The following PREX1 variants were observed in gnomAD, a reference collection of about 807,000 sequenced individuals.
PREX1 encodes phosphatidylinositol 3,4,5-trisphosphate-dependent Rac exchanger 1 protein.
PREX1 carries 41 observed loss-of-function variants against 198.3 expected under a neutral mutation model. The ratio of observed to expected loss-of-function variants is 0.21; its 90% confidence interval spans 0.16 to 0.27. PREX1 has a LOEUF of 0.27. Among genes scored for constraint, PREX1 ranks in the 10% least tolerant of loss-of-function variants. The pLI is 1.00. For missense variants in PREX1, 1,620 were observed against 2,200.7 expected, an observed-to-expected ratio of 0.74 and a Z score of 5.28; for synonymous variants, 843 against 887.2, an observed-to-expected ratio of 0.95 and a Z score of 0.89.
At chr20:48,879,229 T>C in the PREX1 span, among the ~76,000 whole-genome samples, 1 of 152,190 alleles carries the variant, frequency 6.6e-6, no homozygotes, top group Admixed American at 6.6e-5. Context: ...CAATACGTGC[T>C]CCAAAAGAAA....
intron 26 of PREX1, 79 bp from the exon 27 acceptor site, chr20:48,644,576 A>G (rs943224876): frequency 4.5e-5 from 58 of 1,281,704 alleles, no homozygotes; most frequent in Non-Finnish European, 6.1e-5. Context: ...CCCACTTTCT[A>G]CAGTGTAGAC....
At chr20:48,751,500 G>A (rs534125196) in intron 1 of PREX1, among the ~76,000 whole-genome samples, 3 of 152,316 alleles carry the variant, frequency 2.0e-5, no homozygotes, top group South Asian at 2.1e-4. Flanking sequence ...TGGGCAGCTC[G>A]TGACCCGGAA....
intron 1 of PREX1, among the ~76,000 whole-genome samples, chr20:48,824,118 A>T (rs866321702): frequency 7.9e-5 from 12 of 152,152 alleles, no homozygotes; most frequent in Middle Eastern, 3.2e-3. Flanking sequence ...AAATGATTCG[A>T]GCCAAGGTTC....
At chr20:48,653,274 G>GGTA (rs2089514733) in intron 20 of PREX1, 87 bp downstream of exon 20, 3 of 1,541,886 alleles carry the variant, frequency 1.9e-6, no homozygotes, top group Non-Finnish European at 2.6e-6. Flanking sequence ...GTACATGCAG[G>GGTA]CTTTTCTCTA....
At chr20:48,807,007 GGT>G (rs1346848330) in intron 1 of PREX1, among the ~76,000 whole-genome samples, 1 of 152,184 alleles carries the variant, frequency 6.6e-6, no homozygotes, top group African/African-American at 2.4e-5. Context: ...GCCTCTTCAA[GGT>G]GACATCTCAA....
chr20:48,847,364 T>TAAAA, the PREX1 span, among the ~76,000 whole-genome samples: 38 of 77,176 alleles, frequency 4.9e-4, no homozygotes, highest in Non-Finnish European at 6.5e-4. Context: ...CCTTCTCTTA[T>TAAAA]AAAAAAAAAA....
chr20:48,836,362 G>A, the PREX1 span, among the ~76,000 whole-genome samples: 1 of 152,180 alleles, frequency 6.6e-6, no homozygotes, highest in Admixed American at 6.5e-5. Flanking sequence ...AAGGACAGAG[G>A]TCTGGGTCAC....
Position 48,649,401 on chromosome 20 carries a change from G to A in PREX1, c.3204C>T (p.Leu1068=), listed in dbSNP as rs368089027. ...CCTGGATCTCACGGTCCTCCTGCTT[G>A]AGTAGGAAGCTGAGGCCCCGGTCTT... ...GQEDRGLSFL[L]KQEDREIQDA... The change falls in exon 25 of 40, where the codon CTC becomes CTT. Residue 1068 remains leucine, a synonymous_variant. Coordinates refer to ENST00000371941, the MANE Select transcript of PREX1 (RefSeq NM_020820.4). 1 of 1,614,160 alleles carries A rather than the reference G, an allele frequency of 6.2e-7. No homozygotes were observed.
At chr20:48,774,081 A>C (rs561084304) in intron 1 of PREX1, among the ~76,000 whole-genome samples, 5 of 152,308 alleles carry the variant, frequency 3.3e-5, no homozygotes, top group Admixed American at 2.0e-4. Context: ...GGCAAGGATG[A>C]AGGCCACTTT....
chr20:48,625,590 A>C lies in PREX1; in HGVS notation c.*295T>G. 1 of 369,086 alleles carries C rather than the reference A, an allele frequency of 2.7e-6. No homozygotes were observed. 22.9% of individuals were successfully genotyped at this position (369,086 alleles called of 1,614,324 possible). ...ACGTTCCCTTGGGTTCTGGGGACGC[A>C]GGAGCCGAAGGCCAGGCACCAGCTG... On this transcript the variant is annotated 3_prime_UTR_variant, in exon 40 of 40. Transcript: ENST00000371941.
At position 48,649,467 on chromosome 20, in the gene PREX1, A is replaced by G; in HGVS notation, c.3138T>C (p.His1046=). The G allele has an allele frequency of 1.9e-6, 3 of 1,614,116 alleles. No homozygotes were observed. Among genetic ancestry groups the G allele is most frequent in the East Asian group, 4.5e-5 (2 of 44,880 alleles). ...AEGDPQGQGL[H]DGSFGPASGT... ...CACTGGCTGGCCCGAAGCTGCCATC[A>G]TGGAGACCCTGGCCTTGGGGATCAC... Residue 1046 remains histidine, a synonymous_variant, in exon 25 of 40, where the codon CAT becomes CAC. Coordinates refer to ENST00000371941, the MANE Select transcript of PREX1 (RefSeq NM_020820.4).
At chr20:48,739,591 T>C (rs1361421113) in intron 3 of PREX1, among the ~76,000 whole-genome samples, 1 of 152,200 alleles carries the variant, frequency 6.6e-6, no homozygotes, top group Non-Finnish European at 1.5e-5. Context: ...ATGACCTCAT[T>C]TGTTAAATTA....
At position 48,679,745 on chromosome 20, in the gene PREX1, T is replaced by C. The variant is rs2089735868; in HGVS notation, c.1445A>G (p.Lys482Arg). The C allele has an allele frequency of 1.2e-6, 2 of 1,612,426 alleles. No homozygotes were observed. The highest frequency in any genetic ancestry group is 1.7e-6 in the Non-Finnish European group (2 of 1,178,558). The change falls in exon 12 of 40, where the codon AAG (lysine) becomes AGG (arginine). Residue 482 changes from lysine (K) to arginine (R), a missense_variant. Lys to Arg is a conservative substitution (Grantham distance 26). This residue lies in a region of PREX1 where 488 missense variants were observed against 802.5 expected (regional missense o/e 0.61). Coordinates refer to ENST00000371941, the MANE Select transcript of PREX1 (RefSeq NM_020820.4). ...CACCTGCTCATTCTTGAACTGGTGC[T>C]TGTCGGAAACTGGAGAGACAGGAGG... ...ENGIIHHVSD[K>R]HQFKNEQVMY...
At chr20:48,761,534 G>A (rs748813536) in intron 1 of PREX1, among the ~76,000 whole-genome samples, 8 of 111,002 alleles carry the variant, frequency 7.2e-5, no homozygotes, top group African/African-American at 2.1e-4. Flanking sequence ...ACCCCGCCCC[G>A]TTCCCCACCA....
At chr20:48,849,632 C>T in the PREX1 span, among the ~76,000 whole-genome samples, 4 of 152,208 alleles carry the variant, frequency 2.6e-5, no homozygotes, top group Non-Finnish European at 4.4e-5. Context: ...ATAGATCTTT[C>T]CACATCCACA....
At chr20:48,689,041 G>C (rs1262611173) in intron 9 of PREX1, among the ~76,000 whole-genome samples, 1 of 152,232 alleles carries the variant, frequency 6.6e-6, no homozygotes, top group African/African-American at 2.4e-5. Flanking sequence ...GAGACCCAGA[G>C]AGGTTAAGTC....
intron 15 of PREX1, among the ~76,000 whole-genome samples, chr20:48,664,086 A>G (rs1225999323): frequency 6.6e-6 from 1 of 152,100 alleles, no homozygotes; most frequent in Non-Finnish European, 1.5e-5. Context: ...TAAAAAAAAG[A>G]GAATCTGGTC....
At chr20:48,718,086 A>ACAAC (rs1185041286) in intron 5 of PREX1, among the ~76,000 whole-genome samples, 1 of 152,230 alleles carries the variant, frequency 6.6e-6, no homozygotes, top group African/African-American at 2.4e-5. Flanking sequence ...TCGCTAAGTT[A>ACAAC]CAACCACCCT....
At chr20:48,850,994 T>C in the PREX1 span, among the ~76,000 whole-genome samples, 2 of 152,212 alleles carry the variant, frequency 1.3e-5, no homozygotes, top group Admixed American at 1.3e-4. Flanking sequence ...AAGAAGACTA[T>C]TTCGTGACAC....
Sources: gnomAD v4.1 joint callset for allele counts (sites outside exome capture counted in the v4.1 genomes callset) on GRCh38, gnomAD v4.1.1 for gene constraint, gnomAD v4.1.1 regional missense constraint, MANE v1.5 for transcripts, NCBI Gene and HGNC (gene_info 2026-07-23, HGNC 2026-07-21) for gene names.